The following NALF1 variants were observed in gnomAD, a reference collection of about 807,000 sequenced individuals.
NALF1 encodes the protein NALCN channel auxiliary factor 1.
A neutral mutation model predicts 48.4 loss-of-function variants in NALF1; 3 were observed. The ratio of observed to expected loss-of-function variants is 0.06; its 90% CI spans 0.03 to 0.16. The LOEUF is 0.16. NALF1 is among the 10% of genes least tolerant of loss of function. The pLI, the probability that NALF1 is intolerant of heterozygous loss-of-function variation, is 1.00. For missense variants in NALF1, 526 were observed against 571.5 expected (o/e 0.92, Z 0.81); for synonymous variants, 262 against 245.7 (o/e 1.07, Z -0.62).
At chr13:107,772,062 AT>A (rs1029194884) in intron 1 of NALF1, among the ~76,000 whole-genome samples, 8 of 152,158 alleles carry the variant, frequency 5.3e-5, no homozygotes, top group African/African-American at 1.9e-4. Context: ...AATAATACTG[AT>A]TCTTGCAAAA....
intron 1 of NALF1, among the ~76,000 whole-genome samples, chr13:107,678,743 A>C (rs1035642180): frequency 1.3e-5 from 2 of 152,192 alleles, no homozygotes; most frequent in African/African-American, 4.8e-5. Flanking sequence ...GGAAGGAGAA[A>C]TGCTGAGTGA....
intron 1 of NALF1, among the ~76,000 whole-genome samples, chr13:107,538,688 T>C (rs556037340): frequency 1.3e-5 from 2 of 152,286 alleles, no homozygotes; most frequent in East Asian, 1.9e-4. Context: ...GTCATTGGAA[T>C]CAGACCTCAG....
At chr13:107,696,558 G>GTT (rs768538735) in intron 1 of NALF1, among the ~76,000 whole-genome samples, 3 of 121,408 alleles carry the variant, frequency 2.5e-5, no homozygotes, top group Non-Finnish European at 4.8e-5. Flanking sequence ...TTGAGTGTGT[G>GTT]TGTGTGTGTG....
intron 1 of NALF1, among the ~76,000 whole-genome samples, chr13:107,753,818 G>C (rs1877008897): frequency 6.6e-6 from 1 of 152,168 alleles, no homozygotes; most frequent in South Asian, 2.1e-4. Flanking sequence ...TCCATATAAA[G>C]TGTAGCTTTT....
At chr13:107,664,300 T>A (rs112136029) in intron 1 of NALF1, among the ~76,000 whole-genome samples, 1 of 152,170 alleles carries the variant, frequency 6.6e-6, no homozygotes, top group East Asian at 1.9e-4. Flanking sequence ...TACAACCCAA[T>A]GGCTTCTCAT....
At chr13:107,709,044 C>T (rs1301333615) in intron 1 of NALF1, among the ~76,000 whole-genome samples, 1 of 152,094 alleles carries the variant, frequency 6.6e-6, no homozygotes. Flanking sequence ...ATAACAACAG[C>T]AATGGTATTC....
At chr13:107,251,537 A>G (rs1203956475) in intron 1 of NALF1, among the ~76,000 whole-genome samples, 3 of 152,196 alleles carry the variant, frequency 2.0e-5, no homozygotes, top group Non-Finnish European at 4.4e-5. Context: ...CTACAGCTAC[A>G]TCCCACAGGC....
intron 1 of NALF1, among the ~76,000 whole-genome samples, chr13:107,398,730 G>C (rs1883755254): frequency 6.6e-6 from 1 of 152,154 alleles, no homozygotes; most frequent in Admixed American, 6.5e-5. Context: ...ATGACTGGTA[G>C]ATAGCTGGAA....
intron 1 of NALF1, among the ~76,000 whole-genome samples, chr13:107,760,801 C>T (rs554275246): frequency 9.2e-5 from 14 of 152,182 alleles, no homozygotes; most frequent in Non-Finnish European, 4.4e-5. Flanking sequence ...TAGCTCCTAT[C>T]AATTATACCC....
intron 1 of NALF1, among the ~76,000 whole-genome samples, chr13:107,244,877 G>A (rs1880548668): frequency 6.6e-6 from 1 of 152,108 alleles, no homozygotes. Context: ...AGTTACCTCT[G>A]ATCCTAATTG....
At chr13:107,383,085 G>A (rs1267966502) in intron 1 of NALF1, among the ~76,000 whole-genome samples, 1 of 152,102 alleles carries the variant, frequency 6.6e-6, no homozygotes, top group Admixed American at 6.6e-5. Context: ...GTTAGTAGTT[G>A]GGTACAGTTT....
chr13:107,538,034 A>G (rs1208991934), intron 1 of NALF1, among the ~76,000 whole-genome samples: 1 of 151,960 alleles, frequency 6.6e-6, no homozygotes, highest in Admixed American at 6.6e-5. Context: ...AACAACAACC[A>G]CCATCACCAC....
intron 1 of NALF1, among the ~76,000 whole-genome samples, chr13:107,660,432 CAA>C (rs1350795354): frequency 1.1e-4 from 12 of 107,468 alleles, no homozygotes; most frequent in Non-Finnish European, 1.5e-4. Context: ...GACTCTGTCT[CAA>C]AAACACACAC....
chr13:107,733,706 A>G (rs535514593), intron 1 of NALF1, among the ~76,000 whole-genome samples: 18 of 152,276 alleles, frequency 1.2e-4, no homozygotes, highest in African/African-American at 4.1e-4. Flanking sequence ...GGAATATCTC[A>G]TGGCATTAAA....
At chr13:107,526,640 G>A (rs1003560506) in intron 1 of NALF1, among the ~76,000 whole-genome samples, 1 of 152,102 alleles carries the variant, frequency 6.6e-6, no homozygotes, top group African/African-American at 2.4e-5. Flanking sequence ...GTTAGGAATT[G>A]CTGTTTTATC....
chr13:107,671,998 TGA>T (rs386774467), intron 1 of NALF1, among the ~76,000 whole-genome samples: 2 of 151,580 alleles, frequency 1.3e-5, no homozygotes, highest in African/African-American at 4.9e-5. Context: ...AAAATTGCCT[TGA>T]AAAAAAAAAT....
intron 1 of NALF1, among the ~76,000 whole-genome samples, chr13:107,720,783 A>G (rs1875960347): frequency 6.6e-6 from 1 of 152,178 alleles, no homozygotes; most frequent in Non-Finnish European, 1.5e-5. Flanking sequence ...TTTAGAGCAC[A>G]ATCAAGCTGA....
intron 1 of NALF1, among the ~76,000 whole-genome samples, chr13:107,352,618 C>T (rs1266652860): frequency 6.6e-6 from 1 of 152,158 alleles, no homozygotes. Flanking sequence ...CTATAAAGAA[C>T]TAATCCCATT....
chr13:107,469,733 CTTTTTTTTTTTTTT>C (rs61241553), intron 1 of NALF1, among the ~76,000 whole-genome samples: 4 of 79,956 alleles, frequency 5.0e-5, no homozygotes, highest in Non-Finnish European at 8.9e-5. Context: ...AACTGTGTAT[CTTTTTTTTTTTTTT>C]TTTTTTTTTT....
Sources: allele counts gnomAD v4.1 joint callset (sites outside exome capture counted in the v4.1 genomes callset), GRCh38; gene constraint gnomAD v4.1.1; transcripts MANE v1.5; gene names NCBI Gene and HGNC (gene_info 2026-07-23, HGNC 2026-07-21).